FYN: variants seen among roughly 807,000 people sequenced by gnomAD.
The protein encoded by FYN is tyrosine-protein kinase Fyn.
FYN carries 10 observed loss-of-function variants against 70.2 expected under a neutral mutation model. The ratio of observed to expected loss-of-function variants is 0.14; its 90% CI spans 0.09 to 0.24. The LOEUF (loss-of-function observed/expected upper bound fraction) is 0.24, where lower values mean the gene tolerates loss of function less well. Among genes scored for constraint, FYN ranks in the 10% least tolerant of loss-of-function variants. The pLI is 1.00. For synonymous variants in FYN, 236 were observed against 248.6 expected, an observed-to-expected ratio of 0.95 and a Z score of 0.48; for missense variants, 319 against 673.1, an observed-to-expected ratio of 0.47 and a Z score of 5.82.
At chr6:111,767,273 C>A (rs1803260851) in intron 3 of FYN, among the ~76,000 whole-genome samples, 1 of 152,074 alleles carries the variant, frequency 6.6e-6, no homozygotes, top group Non-Finnish European at 1.5e-5. Context: ...GAGTTAATTC[C>A]CTTAATATAT....
At chr6:111,865,194 T>G (rs1013671443) in intron 1 of FYN, among the ~76,000 whole-genome samples, 17 of 152,300 alleles carry the variant, frequency 1.1e-4, no homozygotes, top group African/African-American at 3.6e-4. Flanking sequence ...TCAATACATA[T>G]TTGCCTAAAC....
At position 111,660,406 on chromosome 6, in the gene FYN, T is replaced by G. The variant is rs955331565; in HGVS notation, c.*1333A>C. Reference sequence around the variant, plus strand: ...CAATTTAAAAATGTAAACTCACAAATAAATCATAACAAAAAAGGAATTAAG... The same window carrying G: ...CAATTTAAAAATGTAAACTCACAAAGAAATCATAACAAAAAAGGAATTAAG... On this transcript the variant is annotated 3_prime_UTR_variant, in exon 14 of 14. Coordinates refer to ENST00000354650, the MANE Select transcript of FYN (RefSeq NM_002037.5). 6 of 150,802 alleles carry G rather than the reference T, an allele frequency of 4.0e-5. No individual in the cohort carries two copies. Among genetic ancestry groups the G allele is most frequent in the Non-Finnish European group, 7.4e-5 (5 of 67,938 alleles). 9.3% of individuals were successfully genotyped at this position (150,802 alleles called of 1,614,324 possible). A position where few individuals can be genotyped will look rare whatever the true frequency, so the allele number is the denominator to read the frequency against.
chr6:111,730,410 T>C lies in FYN; in HGVS notation c.-11-10348A>G, dbSNP rs973531744. On this transcript the variant is annotated intron_variant, in intron 3 of 13. Coordinates refer to ENST00000354650, the MANE Select transcript of FYN (RefSeq NM_002037.5). The stretch of plus-strand genomic sequence containing the variant: ...CCCACTAAATTCAGAATGACGGTAC[T>C]CACTCAAGTCTACCTTGGCACCTAA... Among the ~76,000 whole-genome samples, 5 of 152,138 alleles carry C rather than the reference T, an allele frequency of 3.3e-5. 1 individual carries two copies. The highest frequency in any genetic ancestry group is 1.2e-4 in the African/African-American group (5 of 41,410).
intron 2 of FYN, among the ~76,000 whole-genome samples, chr6:111,786,698 C>T (rs1327387474): frequency 6.6e-6 from 1 of 152,204 alleles, no homozygotes; most frequent in African/African-American, 2.4e-5. Context: ...AAAAGTGTTC[C>T]TATTTCTCCA....
At chr6:111,684,762 G>A (rs1583303482) in intron 12 of FYN, among the ~76,000 whole-genome samples, 1 of 152,158 alleles carries the variant, frequency 6.6e-6, no homozygotes, top group Non-Finnish European at 1.5e-5. Flanking sequence ...GGCATCTCCT[G>A]AAACTGTGGG....
At chr6:111,688,575 A>C (rs923025685) in intron 12 of FYN, among the ~76,000 whole-genome samples, 2 of 152,194 alleles carry the variant, frequency 1.3e-5, no homozygotes, top group Non-Finnish European at 2.9e-5. Context: ...GAGAAGCAGT[A>C]AGACCGACTC....
At chr6:111,676,086 C>A (rs530610271) in intron 12 of FYN, among the ~76,000 whole-genome samples, 1 of 152,070 alleles carries the variant, frequency 6.6e-6, no homozygotes, top group African/African-American at 2.4e-5. Flanking sequence ...TCACTATGTA[C>A]AAAAGTGGCG....
intron 3 of FYN, among the ~76,000 whole-genome samples, chr6:111,736,170 T>C (rs1801700893): frequency 6.6e-6 from 1 of 152,186 alleles, no homozygotes; most frequent in Non-Finnish European, 1.5e-5. Flanking sequence ...GAGGTGCAGA[T>C]GAATGTGAGG....
intron 8 of FYN, among the ~76,000 whole-genome samples, chr6:111,701,879 A>G (rs1799855966): frequency 1.3e-5 from 2 of 152,202 alleles, no homozygotes; most frequent in East Asian, 1.9e-4. Context: ...AATATTTTCT[A>G]TTGTTCATTA....
At chr6:111,868,104 T>C (rs540572197) in intron 1 of FYN, among the ~76,000 whole-genome samples, 2 of 152,072 alleles carry the variant, frequency 1.3e-5, no homozygotes, top group East Asian at 1.9e-4. Flanking sequence ...CAGCCTTCTC[T>C]GCTTGGCTAT....
chr6:111,844,513 T>C (rs145814699), intron 2 of FYN, among the ~76,000 whole-genome samples: 1 of 152,350 alleles, frequency 6.6e-6, no homozygotes, highest in Non-Finnish European at 1.5e-5. Context: ...ACTTCTAGAA[T>C]AGAGCTTTTA....
intron 2 of FYN, among the ~76,000 whole-genome samples, chr6:111,832,010 A>G (rs757688213): frequency 6.6e-6 from 1 of 152,190 alleles, no homozygotes; most frequent in African/African-American, 2.4e-5. Context: ...GCTACACCCA[A>G]AGTTTGAGGA....
At chr6:111,663,762 G>C (rs1410233313) in intron 13 of FYN, among the ~76,000 whole-genome samples, 1 of 152,152 alleles carries the variant, frequency 6.6e-6, no homozygotes, top group East Asian at 1.9e-4. Context: ...TTCCTCAGTT[G>C]CATGGGAGGA....
intron 1 of FYN, among the ~76,000 whole-genome samples, chr6:111,866,504 G>T (rs1774110536): frequency 6.6e-6 from 1 of 152,202 alleles, no homozygotes; most frequent in Non-Finnish European, 1.5e-5. Flanking sequence ...ACCACACCGG[G>T]CTAATTTTTG....
intron 6 of FYN, 147 bp downstream of exon 6, chr6:111,707,775 G>A: frequency 4.8e-6 from 3 of 626,834 alleles, no homozygotes; most frequent in Non-Finnish European, 8.6e-6. Flanking sequence ...TATTACACAG[G>A]GTAAAAACCG....
At chr6:111,790,550 A>G (rs1011479126) in intron 2 of FYN, among the ~76,000 whole-genome samples, 1 of 152,170 alleles carries the variant, frequency 6.6e-6, no homozygotes, top group African/African-American at 2.4e-5. Context: ...CTGGAGACCA[A>G]GGGCATCTAC....
intron 12 of FYN, among the ~76,000 whole-genome samples, chr6:111,677,046 T>C (rs570527449): frequency 6.6e-6 from 1 of 152,242 alleles, no homozygotes; most frequent in Non-Finnish European, 1.5e-5. Context: ...TAAGGAATCT[T>C]TGAAAGGAAG....
chr6:111,775,918 T>C (rs938332446), intron 3 of FYN, among the ~76,000 whole-genome samples: 11 of 152,186 alleles, frequency 7.2e-5, no homozygotes, highest in African/African-American at 2.4e-4. Flanking sequence ...CTTGCTCTCA[T>C]GTTATGGCCT....
intron 9 of FYN, 136 bp downstream of exon 9, chr6:111,699,968 G>A: frequency 3.4e-6 from 1 of 296,334 alleles, no homozygotes; most frequent in Non-Finnish European, 5.8e-6. Context: ...AACCAAAACT[G>A]AAATTATTAT....
Sources: gnomAD v4.1 joint callset for allele counts (sites outside exome capture counted in the v4.1 genomes callset) on GRCh38, gnomAD v4.1.1 for gene constraint, MANE v1.5 for transcripts, NCBI Gene and HGNC (gene_info 2026-07-23, HGNC 2026-07-21) for gene names.